CNPPD1: variants seen among roughly 807,000 people sequenced by gnomAD.
CNPPD1 encodes the protein protein CNPPD1.
Under a neutral mutation model 43.7 loss-of-function variants are expected in CNPPD1, and 40 were observed. That is an observed-to-expected ratio of 0.92 (90% confidence interval 0.71 to 1.19). The LOEUF is 1.19. CNPPD1 is among the 50% of genes most tolerant of loss of function. The probability of loss-of-function intolerance (pLI) is 0.00; values close to 1 mark genes in which losing one functional copy is unlikely to be tolerated. For synonymous variants in CNPPD1, 208 were observed against 214.3 expected, an observed-to-expected ratio of 0.97 and a Z score of 0.26; for missense variants, 511 against 518.5, an observed-to-expected ratio of 0.99 and a Z score of 0.14.
chr2:219,175,744 G>A, intron 2 of CNPPD1, 72 bp from the exon 3 acceptor site: 1 of 1,276,464 alleles, frequency 7.8e-7, no homozygotes, highest in Non-Finnish European at 1.1e-6. Flanking sequence ...CCCACTGCTA[G>A]CAGAAGACCC....
Position 219,176,311 on chromosome 2 carries a change from C to A in CNPPD1, c.90G>T (p.Lys30Asn). The A allele has an allele frequency of 8.1e-6, 13 of 1,614,122 alleles. No homozygotes were observed. The highest frequency in any genetic ancestry group is 1.1e-5 in the Non-Finnish European group (13 of 1,179,936). Reference sequence around the variant, plus strand: ...GCCTCCTTCGGATCCGGGCACTCAGCTTCTGGTGTCCTGGGAGGAACTGAA... The same window carrying A: ...GCCTCCTTCGGATCCGGGCACTCAGATTCTGGTGTCCTGGGAGGAACTGAA... ...QDFTFLPGHQKLSARIRRRLY... is the reference protein window; with the variant it reads ...QDFTFLPGHQNLSARIRRRLY... Residue 30 changes from lysine (K) to asparagine (N), a missense_variant, in exon 2 of 8, where the codon AAG (lysine) becomes AAT (asparagine). Lys to Asn is a moderately conservative substitution (Grantham distance 94, BLOSUM62 0). Coordinates refer to ENST00000360507, the MANE Select transcript of CNPPD1 (RefSeq NM_015680.6).
intron 2 of CNPPD1, 134 bp downstream of exon 2, chr2:219,176,089 C>G: frequency 1.5e-6 from 1 of 668,934 alleles, no homozygotes. Flanking sequence ...GCAAACTGCC[C>G]TCTTGAACCA....
At chr2:219,177,104 C>T (rs1950185853), upstream of CNPPD1, 4 of 382,988 alleles carry the variant, frequency 1.0e-5, no homozygotes, top group Non-Finnish European at 1.9e-5. Context: ...CGACGCTCAC[C>T]TCGCGGAGCA....
Position 219,173,013 on chromosome 2 carries a change from T to C in CNPPD1, c.806A>G (p.Asp269Gly), listed in dbSNP as rs920790028. 6.2e-7 allele frequency: 1 copy of C among 1,613,570 alleles called. No individual in the cohort carries two copies. Among genetic ancestry groups the C allele is most frequent in the East Asian group, 2.2e-5 (1 of 44,876 alleles). The change falls in exon 8 of 8, where the codon GAC becomes GGC. Residue 269 changes from aspartate (D) to glycine (G), a missense_variant. Transcript: ENST00000360507. ...LSCIPTPGPP[D>G]LGLTSRCLLE... ...GAGGCAACGGGAGGTCAGTCCAAGG[T>C]CAGGCGGCCCAGGTGTAGGGATGCA...
In CNPPD1 at chr2:219,174,795, C is replaced by T. The variant is rs2106387035; in HGVS notation, c.493G>A (p.Gly165Ser). 5.0e-6 allele frequency: 8 copies of T among 1,605,038 alleles called. No homozygotes were observed. The highest frequency in any genetic ancestry group is 6.8e-6 in the Non-Finnish European group (8 of 1,174,000). ...AVPTLNALERGFLSAMDWHLY... is the reference protein window; with the variant it reads ...AVPTLNALERSFLSAMDWHLY... ...CTGCTCACCATGGCACTCAGGAAGCCCCTCTCCAAGGCATTGAGAGTGGGC... is the reference window on the plus strand; with the variant it reads ...CTGCTCACCATGGCACTCAGGAAGCTCCTCTCCAAGGCATTGAGAGTGGGC... The change falls in exon 5 of 8, where the codon GGC becomes AGC. Residue 165 changes from glycine (G) to serine (S), a missense_variant. Transcript: ENST00000360507.
Position 219,174,775 on chromosome 2 carries a change from C to T in CNPPD1, c.510+3G>A. 1 of 1,589,954 alleles carries T rather than the reference C, an allele frequency of 6.3e-7. No individual in the cohort carries two copies. The highest frequency in any genetic ancestry group is 8.6e-7 in the Non-Finnish European group (1 of 1,165,934). On this transcript the variant is annotated splice_donor_region_variant and intron_variant, in intron 5 of 7. Coordinates refer to ENST00000360507, the MANE Select transcript of CNPPD1 (RefSeq NM_015680.6). Reference sequence around the variant, plus strand: ...CTGAGCAAGAGAGAGAACAGCTGCTCACCATGGCACTCAGGAAGCCCCTCT... The same window carrying T: ...CTGAGCAAGAGAGAGAACAGCTGCTTACCATGGCACTCAGGAAGCCCCTCT...
intron 1 of CNPPD1, 144 bp downstream of exon 1, chr2:219,176,616 G>A: frequency 1.4e-6 from 1 of 690,900 alleles, no homozygotes. Flanking sequence ...TCTCCCTCCC[G>A]GCCCAAGCAG....
chr2:219,176,858 G>T lies in CNPPD1; in HGVS notation c.-30C>A. ...CCGCCAGTCGCCGCCCTGCGAAGGTGAACGGAAGGAAACGAGTTGTAGGGG... is the reference window on the plus strand; with the variant it reads ...CCGCCAGTCGCCGCCCTGCGAAGGTTAACGGAAGGAAACGAGTTGTAGGGG... On this transcript the variant is annotated 5_prime_UTR_variant, in exon 1 of 8. Transcript: ENST00000360507. 1 of 1,547,442 alleles carries T rather than the reference G, an allele frequency of 6.5e-7. No individual in the cohort carries two copies. Among genetic ancestry groups the T allele is most frequent in the Non-Finnish European group, 8.7e-7 (1 of 1,143,300 alleles).
rs564177773 is a variant in CNPPD1, at chr2:219,174,132, C to T, written c.572+14G>A. Reference sequence around the variant, plus strand: ...AAATCCCTCGAGCCCTTCTTCCCAACTCCTAGAACCTACCAGCTCTCCAAC... The same window carrying T: ...AAATCCCTCGAGCCCTTCTTCCCAATTCCTAGAACCTACCAGCTCTCCAAC... On this transcript the variant is annotated intron_variant, in intron 6 of 7. Transcript: ENST00000360507. 16 of 1,614,096 alleles carry T rather than the reference C, an allele frequency of 9.9e-6. No homozygotes were observed. The African/African-American group carries it at 1.5e-4, about 15-fold the overall frequency.
chr2:219,172,615 G>GGCTCA lies in CNPPD1; in HGVS notation c.1203_1204insTGAGC (p.Arg402Ter), dbSNP rs776191862. 156 of 1,614,144 alleles carry GGCTCA rather than the reference G, an allele frequency of 9.7e-5. 1 individual carries two copies. The East Asian group carries it at 3.4e-3, about 35-fold the overall frequency. ...CCTGGGAAAACGAAAGACTTGAGGC[G>GGCTCA]AGCCAGCTCCATGACACTGAAAAGG... On this transcript the variant is annotated stop_gained and frameshift_variant, in exon 8 of 8. Coordinates refer to ENST00000360507, the MANE Select transcript of CNPPD1 (RefSeq NM_015680.6). LOFTEE classifies it high-confidence loss of function.
intron 3 of CNPPD1, 37 bp downstream of exon 3, chr2:219,175,554 C>G (rs1950145589): frequency 1.9e-6 from 3 of 1,544,110 alleles, no homozygotes; most frequent in Non-Finnish European, 1.8e-6. Context: ...TCTCTAGGGC[C>G]CAAACACTCT....
At position 219,175,627 on chromosome 2, in the gene CNPPD1, C is replaced by T. The variant is rs1338810089; in HGVS notation, c.224G>A (p.Arg75His). The T allele has an allele frequency of 1.9e-6, 3 of 1,613,882 alleles. No homozygotes were observed. Among genetic ancestry groups the T allele is most frequent in the South Asian group, 1.1e-5 (1 of 91,064 alleles). Residue 75 changes from arginine to histidine, a missense_variant, in exon 3 of 8, where the codon CGC becomes CAC. Arg to His is a conservative substitution (Grantham distance 29). Transcript: ENST00000360507. ...LLQKAAPSPI[R>H]RLQKKYVAHV... is the part of the protein sequence containing the mutation. ...AGCTACATATTTCTTCTGGAGTCGG[C>T]GAATAGGGCTGGGGGCTGCCTTCTG... is the stretch of plus-strand genomic sequence containing the variant.
At chr2:219,178,123 G>GT (rs930754305), upstream of CNPPD1, 1 of 270,506 alleles carries the variant, frequency 3.7e-6, no homozygotes, top group African/African-American at 2.3e-5. Flanking sequence ...AAACGAACCT[G>GT]TGTAGGCGCA....
upstream of CNPPD1, chr2:219,177,056 G>T (rs1426855125): frequency 2.2e-6 from 1 of 448,644 alleles, no homozygotes; most frequent in East Asian, 3.7e-5. Context: ...GGCGCGCGGG[G>T]GCCCTAGGCC....
At chr2:219,176,115 G>C in intron 2 of CNPPD1, 108 bp downstream of exon 2, 7 of 774,794 alleles carry the variant, frequency 9.0e-6, no homozygotes, top group Non-Finnish European at 1.6e-5. Context: ...CAACGAGCTA[G>C]CAATGAAGAG....
chr2:219,177,092 T>C, upstream of CNPPD1: 1 of 399,780 alleles, frequency 2.5e-6, no homozygotes, highest in Non-Finnish European at 4.5e-6. Flanking sequence ...CAAGCGTCCG[T>C]GCGACGCTCA....
rs2078373311 is a variant in CNPPD1, at chr2:219,174,129, C to T, written c.572+17G>A. The T allele has an allele frequency of 1.2e-6, 2 of 1,613,864 alleles. No homozygotes were observed. Among genetic ancestry groups the T allele is most frequent in the Non-Finnish European group, 1.7e-6 (2 of 1,179,882 alleles). On this transcript the variant is annotated intron_variant, in intron 6 of 7. Transcript: ENST00000360507. ...CCCAAATCCCTCGAGCCCTTCTTCC[C>T]AACTCCTAGAACCTACCAGCTCTCC...
intron 3 of CNPPD1, 118 bp downstream of exon 3, chr2:219,175,473 G>C (rs1950143771): frequency 1.0e-6 from 1 of 989,452 alleles, no homozygotes; most frequent in Admixed American, 2.1e-5. Flanking sequence ...CTCCAGCCTG[G>C]GTGACAAAGT....
chr2:219,176,656 A>G lies in CNPPD1; in HGVS notation c.69+104T>C, dbSNP rs1017549650. The G allele has an allele frequency of 2.1e-5, 19 of 905,262 alleles. No individual in the cohort carries two copies. The African/African-American group carries it at 2.5e-4, about 12-fold the overall frequency. 56.1% of individuals were successfully genotyped at this position (905,262 alleles called of 1,614,324 possible). A position where few individuals can be genotyped will look rare whatever the true frequency, so the allele number is the denominator to read the frequency against. On this transcript the variant is annotated intron_variant, in intron 1 of 7. Coordinates refer to ENST00000360507, the MANE Select transcript of CNPPD1 (RefSeq NM_015680.6). Reference sequence around the variant, plus strand: ...GGCCTCAAGGAAGCACTGCTCGAGCAGCTGCCGCCCAGTCCCGGCACAGCA... The same window carrying G: ...GGCCTCAAGGAAGCACTGCTCGAGCGGCTGCCGCCCAGTCCCGGCACAGCA...
Sources: gnomAD v4.1 joint callset for allele counts on GRCh38, gnomAD v4.1.1 for gene constraint, MANE v1.5 for transcripts, NCBI Gene and HGNC (gene_info 2026-07-23, HGNC 2026-07-21) for gene names.